Variants in MCPH1 observed in about 807,000 individuals in gnomAD.
MCPH1 encodes the protein microcephalin.
Under a neutral mutation model 84.5 loss-of-function variants are expected in MCPH1, and 104 were observed. The ratio of observed to expected loss-of-function variants is 1.23; its 90% CI spans 1.05 to 1.45. The LOEUF is 1.45. MCPH1 is among the 40% of genes most tolerant of loss of function. The pLI is 0.00. For missense variants in MCPH1, 1,498 were observed against 1,005.7 expected (o/e 1.49, Z -6.62); for synonymous variants, 514 against 366.8 (o/e 1.40, Z -4.58).
intron 8 of MCPH1, among the ~76,000 whole-genome samples, chr8:6,451,801 ATT>A (rs752431555): frequency 5.3e-4 from 80 of 152,352 alleles, no homozygotes; most frequent in Admixed American, 1.2e-3. Context: ...CTTAGAAGAC[ATT>A]TCTCATTGGA....
chr8:6,445,106 T>G lies in MCPH1; in HGVS notation c.1384T>G (p.Ser462Ala). 1 of 1,614,228 alleles carries G rather than the reference T, an allele frequency of 6.2e-7. No individual in the cohort carries two copies. Among genetic ancestry groups the G allele is most frequent in the Non-Finnish European group, 8.5e-7 (1 of 1,180,042 alleles). The change falls in exon 8 of 14, where the codon TCC becomes GCC. Residue 462 changes from serine to alanine, a missense_variant. Coordinates refer to ENST00000344683, the MANE Select transcript of MCPH1 (RefSeq NM_024596.5). ...AAGCATATTTGAAATGTCTGATTTT[T>G]CCTGCGTTGGCAAAAAAACCAGAAC... ...RTSIFEMSDF[S>A]CVGKKTRTVD...
intron 9 of MCPH1, among the ~76,000 whole-genome samples, chr8:6,468,361 A>T (rs868225815): frequency 6.6e-6 from 1 of 151,962 alleles, no homozygotes; most frequent in African/African-American, 2.4e-5. Context: ...CATGACCTGC[A>T]CCCTTCTCCC....
chr8:6,472,013 T>C (rs1807786623), intron 9 of MCPH1, among the ~76,000 whole-genome samples: 1 of 152,190 alleles, frequency 6.6e-6, no homozygotes, highest in Non-Finnish European at 1.5e-5. Context: ...GTAAAGTTAG[T>C]TATGGTGTGC....
chr8:6,619,975 C>A (rs1189306384), intron 12 of MCPH1, among the ~76,000 whole-genome samples: 1 of 152,220 alleles, frequency 6.6e-6, no homozygotes. Context: ...TGCAGCTTGG[C>A]CCCGTGATGC....
intron 13 of MCPH1, among the ~76,000 whole-genome samples, chr8:6,633,601 G>A (rs377064155): frequency 8.6e-5 from 13 of 152,036 alleles, no homozygotes; most frequent in South Asian, 2.1e-4. Flanking sequence ...TTGATTTAGC[G>A]TCCCCAAGGG....
At chr8:6,602,304 C>T (rs1032737881) in intron 12 of MCPH1, among the ~76,000 whole-genome samples, 11 of 152,166 alleles carry the variant, frequency 7.2e-5, no homozygotes, top group Admixed American at 2.0e-4. Context: ...GGAGAGGGAC[C>T]GTCCTTGCAT....
intron 9 of MCPH1, among the ~76,000 whole-genome samples, chr8:6,469,922 T>C (rs1430487885): frequency 6.6e-6 from 1 of 152,160 alleles, no homozygotes; most frequent in Non-Finnish European, 1.5e-5. Flanking sequence ...TGTTATTGTT[T>C]CTCACTGGTC....
At chr8:6,463,259 G>T (rs980311394) in intron 9 of MCPH1, among the ~76,000 whole-genome samples, 3 of 152,166 alleles carry the variant, frequency 2.0e-5, no homozygotes, top group Non-Finnish European at 2.9e-5. Context: ...AGAAATGCCC[G>T]CTTGGGGGAT....
rs1342870938 is a variant in MCPH1, at chr8:6,444,764, A to C, written c.1042A>C (p.Arg348=). Residue 348 remains arginine, a synonymous_variant, in exon 8 of 14, where the codon AGA becomes CGA. Coordinates refer to ENST00000344683, the MANE Select transcript of MCPH1 (RefSeq NM_024596.5). Reference sequence around the variant, plus strand: ...AAAAGGCCACCTTTTGATACATTCAAGACCCAGGAGTTCCTCAGTAAAGAG... The same window carrying C: ...AAAAGGCCACCTTTTGATACATTCACGACCCAGGAGTTCCTCAGTAAAGAG... ...STKGHLLIHS[R]PRSSSVKRKR... 13 of 1,614,012 alleles carry C rather than the reference A, an allele frequency of 8.1e-6. No homozygotes were observed. Among genetic ancestry groups the C allele is most frequent in the Non-Finnish European group, 1.1e-5 (13 of 1,180,002 alleles).
rs1439095441 is a variant in MCPH1, at chr8:6,419,148, C to CAG, written c.233+4266_233+4267insGA. On this transcript the variant is annotated intron_variant, in intron 3 of 13. Transcript: ENST00000344683. ...ACACATACACACACACACACACACA[C>CAG]ACAGACACACACACACACACACACA... Among the ~76,000 whole-genome samples the CAG allele has an allele frequency of 8.6e-3, 734 of 85,716 alleles. 8 individuals are homozygous for CAG. The highest frequency in any genetic ancestry group is 0.032 in the African/African-American group (681 of 21,432). The allele number at this position is 85,716 out of a possible 152,430, so 56.2% of individuals were successfully genotyped here.
chr8:6,482,873 G>A (rs920179297), intron 11 of MCPH1, among the ~76,000 whole-genome samples: 17 of 152,100 alleles, frequency 1.1e-4, no homozygotes, highest in Non-Finnish European at 1.5e-4. Flanking sequence ...TTGCCTGGAG[G>A]GAAGAACCTG....
At chr8:6,545,259 G>GGT (rs1822365370) in intron 12 of MCPH1, among the ~76,000 whole-genome samples, 1 of 152,138 alleles carries the variant, frequency 6.6e-6, no homozygotes, top group African/African-American at 2.4e-5. Flanking sequence ...TCTTGACCTC[G>GGT]GTGCTGGTTA....
rs182914515 is a variant in MCPH1, at chr8:6,431,462, C to A, written c.234-37C>A. On this transcript the variant is annotated intron_variant, in intron 3 of 13. Coordinates refer to ENST00000344683, the MANE Select transcript of MCPH1 (RefSeq NM_024596.5). ...GTGCTGTGTCAATGTATAATAGAAG[C>A]AAATACTCATTAGACTACCTTAATT... 20 of 1,493,138 alleles carry A rather than the reference C, an allele frequency of 1.3e-5. 1 individual carries two copies. The Admixed American group carries it at 3.3e-4, about 25-fold the overall frequency. The allele number at this position is 1,493,138 out of a possible 1,614,324, so 92.5% of individuals were successfully genotyped here. A position where few individuals can be genotyped will look rare whatever the true frequency, so the allele number is the denominator to read the frequency against.
At chr8:6,491,053 T>G (rs1810511415) in intron 11 of MCPH1, among the ~76,000 whole-genome samples, 1 of 107,652 alleles carries the variant, frequency 9.3e-6, no homozygotes, top group East Asian at 3.2e-4. Context: ...AAAAATAAAA[T>G]TTATCAAAAA....
chr8:6,491,589 AG>A (rs1401326157), intron 11 of MCPH1, among the ~76,000 whole-genome samples: 8 of 151,748 alleles, frequency 5.3e-5, no homozygotes, highest in Non-Finnish European at 8.8e-5. Flanking sequence ...CTCGTCATTT[AG>A]CATTAGGTAT....
At chr8:6,642,668 C>T in intron 13 of MCPH1, 2 of 427,426 alleles carry the variant, frequency 4.7e-6, no homozygotes, top group Non-Finnish European at 8.7e-6. Flanking sequence ...ATTCTTGGCT[C>T]CTATGTCACA....
chr8:6,563,906 C>T (rs535940850), intron 12 of MCPH1, among the ~76,000 whole-genome samples: 1 of 151,322 alleles, frequency 6.6e-6, no homozygotes, highest in Admixed American at 6.6e-5. Context: ...ATACACTGTA[C>T]TGATTAAGTT....
chr8:6,574,536 C>T (rs912742524), intron 12 of MCPH1, among the ~76,000 whole-genome samples: 2 of 152,024 alleles, frequency 1.3e-5, no homozygotes, highest in Non-Finnish European at 1.5e-5. Context: ...ATAACACTTA[C>T]GATGTTTAAA....
chr8:6,408,130 C>G (rs941206268), intron 1 of MCPH1, among the ~76,000 whole-genome samples: 2 of 151,670 alleles, frequency 1.3e-5, no homozygotes, highest in African/African-American at 2.4e-5. Flanking sequence ...GGGAAAGCAA[C>G]TAATTTTACA....
Sources: gnomAD v4.1 joint callset for allele counts (sites outside exome capture counted in the v4.1 genomes callset) on GRCh38, gnomAD v4.1.1 for gene constraint, MANE v1.5 for transcripts, NCBI Gene and HGNC (gene_info 2026-07-23, HGNC 2026-07-21) for gene names.